Variants in PHACTR1 observed in about 807,000 individuals in gnomAD.
The protein encoded by PHACTR1 is RPEL repeat containing 1.
Under a neutral mutation model 69.2 loss-of-function variants are expected in PHACTR1, and 16 were observed. The observed-to-expected ratio is 0.23, with a 90% CI of 0.16 to 0.35. The LOEUF (loss-of-function observed/expected upper bound fraction) is 0.35. Ranked by LOEUF, PHACTR1 falls within the 10% of genes least tolerant of loss-of-function variation. PHACTR1 has a pLI of 1.00. For missense variants in PHACTR1, 510 were observed against 734.7 expected (o/e 0.69, Z 3.54); for synonymous variants, 312 against 284.5 (o/e 1.10, Z -0.97).
intron 4 of PHACTR1, among the ~76,000 whole-genome samples, chr6:12,813,864 G>A (rs573115172): frequency 2.2e-4 from 33 of 152,296 alleles, no homozygotes; most frequent in Admixed American, 9.8e-4. Flanking sequence ...GCATCCTTGC[G>A]GAGCTTGCTA....
Position 12,993,396 on chromosome 6 carries a change from C to T in PHACTR1, c.251-59969C>T, listed in dbSNP as rs1471609438. ...ATTCATTAGTTGAGAGAGACAAACA[C>T]GTAAAGAAATAATCAGAAGAACTTT... On this transcript the variant is annotated intron_variant, in intron 4 of 14. Coordinates refer to ENST00000332995, the MANE Select transcript of PHACTR1 (RefSeq NM_030948.6). Among the ~76,000 whole-genome samples the T allele has an allele frequency of 7.9e-5, 12 of 152,200 alleles. No individual in the cohort carries two copies. The South Asian group carries it at 1.0e-3, about 13-fold the overall frequency.
chr6:13,090,806 G>A (rs753346478), intron 5 of PHACTR1, among the ~76,000 whole-genome samples: 5 of 152,108 alleles, frequency 3.3e-5, no homozygotes, highest in South Asian at 2.1e-4. Flanking sequence ...CTAGGGCAGC[G>A]GTCCCAAGCC....
intron 5 of PHACTR1, among the ~76,000 whole-genome samples, chr6:13,062,440 C>T (rs948761438): frequency 1.3e-5 from 2 of 152,196 alleles, no homozygotes; most frequent in East Asian, 3.9e-4. Context: ...CATCAATTCA[C>T]CCAGAGTTGC....
chr6:12,928,146 A>G (rs9357521), intron 4 of PHACTR1, among the ~76,000 whole-genome samples: 26,242 of 151,984 alleles, frequency 0.17, 5,225 homozygotes, highest in African/African-American at 0.49. Context: ...CATGCCCCCC[A>G]ATTTCACCCA....
chr6:13,243,753 C>T (rs1356962639), intron 10 of PHACTR1, among the ~76,000 whole-genome samples: 1 of 152,174 alleles, frequency 6.6e-6, no homozygotes. Flanking sequence ...TGCTCCTACC[C>T]TCCACCCTCA....
intron 4 of PHACTR1, among the ~76,000 whole-genome samples, chr6:12,938,417 C>A (rs1789703910): frequency 6.6e-6 from 1 of 152,108 alleles, no homozygotes; most frequent in African/African-American, 2.4e-5. Context: ...TAGAGGAGCA[C>A]AAACCCGTGC....
At chr6:13,016,072 A>C (rs1003144211) in intron 4 of PHACTR1, among the ~76,000 whole-genome samples, 2 of 152,178 alleles carry the variant, frequency 1.3e-5, no homozygotes, top group African/African-American at 4.8e-5. Context: ...GTTCCAATAA[A>C]ATTTCACTTT....
At chr6:13,071,225 G>A (rs1809475844) in intron 5 of PHACTR1, among the ~76,000 whole-genome samples, 1 of 152,078 alleles carries the variant, frequency 6.6e-6, no homozygotes, top group Non-Finnish European at 1.5e-5. Flanking sequence ...TCAGGAGTTC[G>A]AGACCAGCCT....
chr6:12,758,868 A>G (rs945493211), intron 4 of PHACTR1, among the ~76,000 whole-genome samples: 4 of 152,110 alleles, frequency 2.6e-5, no homozygotes, highest in African/African-American at 9.7e-5. Flanking sequence ...CACGCCTGTG[A>G]TCCTTGCGTT....
intron 4 of PHACTR1, among the ~76,000 whole-genome samples, chr6:12,920,171 ATAAACT>A (rs1011463615): frequency 4.6e-5 from 7 of 152,344 alleles, no homozygotes; most frequent in African/African-American, 1.7e-4. Context: ...AAGTTTCCAA[ATAAACT>A]TAACGGATGG....
chr6:12,963,214 G>T (rs2127570753), intron 4 of PHACTR1, among the ~76,000 whole-genome samples: 1 of 152,266 alleles, frequency 6.6e-6, no homozygotes, highest in African/African-American at 2.4e-5. Context: ...ACTTGAAAAG[G>T]CATGGACGAA....
chr6:12,824,199 C>T (rs1200247782), intron 4 of PHACTR1, among the ~76,000 whole-genome samples: 1 of 152,172 alleles, frequency 6.6e-6, no homozygotes, highest in Non-Finnish European at 1.5e-5. Context: ...GTTGCATGCT[C>T]CTAATGAGAA....
At chr6:12,896,603 G>A (rs944760559) in intron 4 of PHACTR1, among the ~76,000 whole-genome samples, 1 of 152,122 alleles carries the variant, frequency 6.6e-6, no homozygotes, top group Non-Finnish European at 1.5e-5. Context: ...GCATTGGATG[G>A]GATCCCTGTT....
chr6:12,752,524 C>T (rs1042413376), intron 4 of PHACTR1, among the ~76,000 whole-genome samples: 1 of 152,050 alleles, frequency 6.6e-6, no homozygotes, highest in African/African-American at 2.4e-5. Context: ...ATTTGCTTTC[C>T]CACACCAGTA....
chr6:13,083,420 C>T (rs1159864981), intron 5 of PHACTR1, among the ~76,000 whole-genome samples: 1 of 152,150 alleles, frequency 6.6e-6, no homozygotes, highest in East Asian at 1.9e-4. Flanking sequence ...ATTGACTTGG[C>T]AATGCGGGCT....
intron 4 of PHACTR1, among the ~76,000 whole-genome samples, chr6:13,047,420 A>G (rs1158316873): frequency 6.7e-6 from 1 of 148,664 alleles, no homozygotes; most frequent in Non-Finnish European, 1.5e-5. Flanking sequence ...CTGCTGCTTC[A>G]GCGTAGTGAG....
chr6:12,908,521 G>T (rs917793400), intron 4 of PHACTR1, among the ~76,000 whole-genome samples: 1 of 152,014 alleles, frequency 6.6e-6, no homozygotes, highest in Non-Finnish European at 1.5e-5. Flanking sequence ...AAAAAAAAAG[G>T]GTGCTGTGCA....
intron 7 of PHACTR1, among the ~76,000 whole-genome samples, chr6:13,202,986 C>A (rs1451268759): frequency 6.6e-6 from 1 of 152,232 alleles, no homozygotes; most frequent in African/African-American, 2.4e-5. Flanking sequence ...GTGGTTATGA[C>A]TGGTTTGCAT....
intron 5 of PHACTR1, among the ~76,000 whole-genome samples, chr6:13,084,290 G>C (rs992767073): frequency 1.4e-5 from 2 of 147,120 alleles, no homozygotes; most frequent in African/African-American, 5.0e-5. Flanking sequence ...AACCAACACC[G>C]CATGTTCTCA....
Sources: gnomAD v4.1 joint callset for allele counts (sites outside exome capture counted in the v4.1 genomes callset) on GRCh38, gnomAD v4.1.1 for gene constraint, MANE v1.5 for transcripts, NCBI Gene and HGNC (gene_info 2026-07-23, HGNC 2026-07-21) for gene names.